The following CHD5 variants were observed in gnomAD, a reference collection of about 807,000 sequenced individuals.
The protein encoded by CHD5 is chromodomain helicase DNA binding protein 5, also known as ATP-dependent chromatin remodeler CHD5.
In CHD5, 69 loss-of-function variants were observed where a neutral mutation model predicts 230.3. The ratio of observed to expected loss-of-function variants is 0.30; its 90% CI spans 0.25 to 0.37. The LOEUF (loss-of-function observed/expected upper bound fraction) is 0.37. CHD5 is among the 10% of genes least tolerant of loss of function. The probability of loss-of-function intolerance (pLI) is 1.00; values close to 1 mark genes in which losing one functional copy is unlikely to be tolerated. For synonymous variants in CHD5, 1,064 were observed against 1,065.9 expected (o/e 1.00, Z 0.03); for missense variants, 1,827 against 2,622.8 (o/e 0.70, Z 6.63).
rs1006581495 is a variant in CHD5, at chr1:6,167,583, A to G, written c.207+567T>C. Among the ~76,000 whole-genome samples, 2 of 152,204 alleles carry G rather than the reference A, an allele frequency of 1.3e-5. No individual in the cohort carries two copies. The highest frequency in any genetic ancestry group is 2.9e-5 in the Non-Finnish European group (2 of 68,034). On this transcript the variant is annotated intron_variant, in intron 2 of 41. Transcript: ENST00000262450. This position sits in a 1 kb window ranked among gnomAD's most constrained non-coding sequence, Gnocchi z 4.5. Reference sequence around the variant, plus strand: ...AGTGAGCCCGCGTGAAGCACAGAGAAGCACACTCGGAATGTGTCAGCAGCG... The same window carrying G: ...AGTGAGCCCGCGTGAAGCACAGAGAGGCACACTCGGAATGTGTCAGCAGCG...
chr1:6,156,969 T>A (rs1285209531), intron 3 of CHD5, among the ~76,000 whole-genome samples: 1 of 152,236 alleles, frequency 6.6e-6, no homozygotes, highest in Non-Finnish European at 1.5e-5. Flanking sequence ...TTACTTAACT[T>A]TCCTGCCTCG....
intron 33 of CHD5, among the ~76,000 whole-genome samples, chr1:6,118,431 G>T (rs1666411840): frequency 7.2e-6 from 1 of 139,474 alleles, no homozygotes; most frequent in Non-Finnish European, 1.6e-5. Flanking sequence ...CCACAACATA[G>T]ATGAACTTTA....
chr1:6,124,167 C>T, intron 30 of CHD5, 60 bp from the exon 31 acceptor site: 1 of 1,495,916 alleles, frequency 6.7e-7, no homozygotes. Flanking sequence ...GCAACTCAGC[C>T]CTAAGGGCCT....
rs1254127482 is a variant in CHD5 at position 6,124,663 on chromosome 1, T to TGG, written c.4395-4_4395-3dup. 4.4e-4 allele frequency: 26 copies of TGG among 58,496 alleles called. No individual in the cohort carries two copies. Among genetic ancestry groups the TGG allele is most frequent in the South Asian group, 1.8e-3 (9 of 4,886 alleles). 3.6% of individuals were successfully genotyped at this position (58,496 alleles called of 1,614,324 possible). On this transcript the variant is annotated splice_region_variant and splice_polypyrimidine_tract_variant and intron_variant, in intron 29 of 41. Coordinates refer to ENST00000262450, the MANE Select transcript of CHD5 (RefSeq NM_015557.3). ...CGCATGAAGAGGGACACATAGGCTC[T>TGG]GGGGTGGGGGGGGGGGACTGGGGCT... is the stretch of plus-strand genomic sequence containing the variant.
chr1:6,127,780 C>T (rs1354445678), intron 25 of CHD5, among the ~76,000 whole-genome samples: 2 of 152,248 alleles, frequency 1.3e-5, no homozygotes, highest in Non-Finnish European at 2.9e-5. Context: ...TCCCTTCCCT[C>T]ACTGTTGTGT....
In CHD5 at chr1:6,124,019, A is replaced by G. The variant is rs776477384; in HGVS notation, c.4628T>C (p.Ile1543Thr). ...GPEGKKSGEV[I>T]SSDPNTPVPA... ...CACTGGTGTGTTGGGGTCCGAGGAG[A>G]TCACCTCGCCCGACTTCTTCCCCTC... is the stretch of plus-strand genomic sequence containing the variant. The change falls in exon 31 of 42, where the codon ATC becomes ACC. Residue 1543 changes from isoleucine (I) to threonine (T), a missense_variant. Ile to Thr is a moderately conservative substitution (Grantham distance 89). This residue lies in a region of CHD5 where 272 missense variants were observed against 263.2 expected (regional missense o/e 1.03). Transcript: ENST00000262450. 5.6e-6 allele frequency: 9 copies of G among 1,612,250 alleles called. No individual in the cohort carries two copies. In the Admixed American group the frequency reaches 1.5e-4, roughly 27 times the overall value.
rs1666906005 is a variant in CHD5 at position 6,146,058 on chromosome 1, C to T, written c.1802+154G>A. 6.6e-6 allele frequency among the ~76,000 whole-genome samples: 1 copy of T among 152,236 alleles called. No homozygotes were observed. The highest frequency in any genetic ancestry group is 1.5e-5 in the Non-Finnish European group (1 of 68,040). The stretch of plus-strand genomic sequence containing the variant: ...TCTCCAGCACTGGGAACCCTGGGCC[C>T]TTCCTTGTGCCCCTGCTGTGCCCAC... On this transcript the variant is annotated intron_variant, in intron 11 of 41. Coordinates refer to ENST00000262450, the MANE Select transcript of CHD5 (RefSeq NM_015557.3). This position sits in a 1 kb window ranked among gnomAD's most constrained non-coding sequence, Gnocchi z 5.1.
chr1:6,108,339 A>T (rs1400288730), intron 38 of CHD5, among the ~76,000 whole-genome samples: 1 of 138,662 alleles, frequency 7.2e-6, no homozygotes, highest in African/African-American at 2.7e-5. Flanking sequence ...GGATGAAGGT[A>T]TGATGAAGGG....
intron 3 of CHD5, among the ~76,000 whole-genome samples, chr1:6,157,904 AC>A (rs1489233231): frequency 1.3e-5 from 2 of 151,920 alleles, no homozygotes; most frequent in Non-Finnish European, 2.9e-5. Flanking sequence ...TCATGAAATC[AC>A]CCCAGGTGTC....
chr1:6,179,902 G>A (rs905977187), intron 1 of CHD5, 43 bp downstream of exon 1: 5 of 1,137,702 alleles, frequency 4.4e-6, no homozygotes, highest in East Asian at 7.5e-5. Flanking sequence ...CCGTCTCGGC[G>A]CCCCCGCCGC....
Position 6,146,443 on chromosome 1 carries a change from A to C in CHD5, c.1591-20T>G. 6.2e-7 allele frequency: 1 copy of C among 1,606,938 alleles called. No homozygotes were observed. The highest frequency in any genetic ancestry group is 8.5e-7 in the Non-Finnish European group (1 of 1,175,074). On this transcript the variant is annotated intron_variant, in intron 10 of 41. Transcript: ENST00000262450. This position sits in a 1 kb window ranked among gnomAD's most constrained non-coding sequence, Gnocchi z 5.1. The stretch of plus-strand genomic sequence containing the variant: ...CTCCAGCTGCTCATGGAGCGGCACA[A>C]AGTCACAGAAGGGAGATGGGCCATG...
rs1045640969 is a variant in CHD5 at position 6,106,260 on chromosome 1, C to T, written c.*20G>A. The T allele has an allele frequency of 1.2e-6, 2 of 1,612,820 alleles. No homozygotes were observed. The highest frequency in any genetic ancestry group is 1.7e-6 in the Non-Finnish European group (2 of 1,179,980). On this transcript the variant is annotated 3_prime_UTR_variant, in exon 41 of 42. Transcript: ENST00000262450. ...TCAGCTGGAAATGAGCGCTGCAACA[C>T]AGGGAAGTCTCGAGGACGGCTAGAT...
Position 6,124,654 on chromosome 1 carries a change from C to G in CHD5, c.4402G>C (p.Val1468Leu). The G allele has an allele frequency of 1.8e-6, 2 of 1,096,786 alleles. No homozygotes were observed. The highest frequency in any genetic ancestry group is 2.5e-6 in the Non-Finnish European group (2 of 801,520). 67.9% of individuals were successfully genotyped at this position (1,096,786 alleles called of 1,614,324 possible). Residue 1468 changes from valine to leucine, a missense_variant, in exon 30 of 42, where the codon GTG (valine) becomes CTG (leucine). This residue lies in a region of CHD5 where 108 missense variants were observed against 152.4 expected (regional missense o/e 0.71). Coordinates refer to ENST00000262450, the MANE Select transcript of CHD5 (RefSeq NM_015557.3). ...GKSEKEFRAY[V>L]SLFMRHLCEP... The stretch of plus-strand genomic sequence containing the variant: ...CACAGGTGCCGCATGAAGAGGGACA[C>G]ATAGGCTCTGGGGTGGGGGGGGGGG...
chr1:6,123,154 G>A (rs1010843345), intron 31 of CHD5, among the ~76,000 whole-genome samples: 15 of 152,154 alleles, frequency 9.9e-5, no homozygotes, highest in African/African-American at 3.1e-4. Context: ...ACTGATGCAC[G>A]CTGCAATGTG....
intron 1 of CHD5, among the ~76,000 whole-genome samples, chr1:6,172,903 G>A (rs1450997318): frequency 6.6e-6 from 1 of 152,106 alleles, no homozygotes; most frequent in Non-Finnish European, 1.5e-5. Flanking sequence ...CAAACACAAG[G>A]TGATCAAAAC....
chr1:6,178,103 G>A (rs1192147171), intron 1 of CHD5, among the ~76,000 whole-genome samples: 4 of 152,198 alleles, frequency 2.6e-5, no homozygotes, highest in Non-Finnish European at 5.9e-5. Flanking sequence ...GATGGATGGG[G>A]ACAGAATCCC....
chr1:6,110,440 C>A lies in CHD5; in HGVS notation c.5336G>T (p.Gly1779Val), dbSNP rs1487874350. The A allele has an allele frequency of 4.3e-6, 7 of 1,614,044 alleles. No individual in the cohort carries two copies. Among genetic ancestry groups the A allele is most frequent in the Non-Finnish European group, 5.1e-6 (6 of 1,180,024 alleles). ...CTTGTTCTTCATCTCCAGGTAGTTG[C>A]CCTTGTGGACCTCAGACTTGAAGGG... is the stretch of plus-strand genomic sequence containing the variant. ...NEPFKSEVHK[G>V]NYLEMKNKFL... is the part of the protein sequence containing the mutation. Residue 1779 changes from glycine to valine, a missense_variant, in exon 37 of 42, where the codon GGC becomes GTC. Transcript: ENST00000262450.
chr1:6,161,062 G>A (rs753326789), intron 2 of CHD5, among the ~76,000 whole-genome samples: 30 of 152,238 alleles, frequency 2.0e-4, no homozygotes, highest in East Asian at 1.9e-3. Context: ...AGACAGAACC[G>A]GAGAGATAAA....
intron 38 of CHD5, among the ~76,000 whole-genome samples, chr1:6,107,734 G>A (rs1314083819): frequency 1.4e-5 from 2 of 138,612 alleles, no homozygotes; most frequent in Non-Finnish European, 3.1e-5. Context: ...GAGGGATGAG[G>A]GATGATGGAT....
Sources: gnomAD v4.1 joint callset for allele counts (sites outside exome capture counted in the v4.1 genomes callset) on GRCh38, gnomAD v4.1.1 for gene constraint, gnomAD v4.1.1 regional missense constraint, Gnocchi (gnomAD v3.1) non-coding constraint, MANE v1.5 for transcripts, NCBI Gene and HGNC (gene_info 2026-07-23, HGNC 2026-07-21) for gene names.